Variants in ANO2 observed in about 807,000 individuals in gnomAD.
The protein encoded by ANO2 is anoctamin 2.
A neutral mutation model predicts 124.2 loss-of-function variants in ANO2; 101 were observed. That is an observed-to-expected ratio of 0.81 (90% CI 0.69 to 0.96). The LOEUF (loss-of-function observed/expected upper bound fraction) is 0.96. Ranked by LOEUF, ANO2 falls within the 40% of genes least tolerant of loss-of-function variation. The probability of loss-of-function intolerance (pLI) is 0.00; values close to 1 mark genes in which losing one functional copy is unlikely to be tolerated. For missense variants in ANO2, 1,293 were observed against 1,274.5 expected, an observed-to-expected ratio of 1.01 and a Z score of -0.22; for synonymous variants, 486 against 482.5, an observed-to-expected ratio of 1.01 and a Z score of -0.09.
At chr12:5,821,272 T>C (rs550195957) in intron 7 of ANO2, among the ~76,000 whole-genome samples, 7 of 152,336 alleles carry the variant, frequency 4.6e-5, no homozygotes, top group Non-Finnish European at 1.0e-4. Context: ...TGTCAAGATA[T>C]TCCTTCTAAG....
intron 1 of ANO2, among the ~76,000 whole-genome samples, chr12:5,927,504 T>A (rs998403283): frequency 3.3e-5 from 5 of 152,104 alleles, no homozygotes; most frequent in African/African-American, 4.8e-5. Context: ...CCTTCCGAAA[T>A]CTCCTTTCTG....
intron 3 of ANO2, among the ~76,000 whole-genome samples, chr12:5,895,101 T>C (rs1167536137): frequency 6.6e-6 from 1 of 152,250 alleles, no homozygotes; most frequent in Admixed American, 6.5e-5. Flanking sequence ...ATTTTCATGA[T>C]ATTGATTCTA....
At chr12:5,819,374 G>C (rs538411102) in intron 7 of ANO2, among the ~76,000 whole-genome samples, 1 of 152,306 alleles carries the variant, frequency 6.6e-6, no homozygotes, top group African/African-American at 2.4e-5. Context: ...GGATATTAAG[G>C]ATATGGGATA....
intron 15 of ANO2, among the ~76,000 whole-genome samples, chr12:5,643,912 T>C (rs910224902): frequency 6.6e-6 from 1 of 152,222 alleles, no homozygotes; most frequent in African/African-American, 2.4e-5. Flanking sequence ...TCTTTATATA[T>C]GTTAAGAAAA....
intron 3 of ANO2, among the ~76,000 whole-genome samples, chr12:5,906,843 A>C (rs1406416819): frequency 2.6e-5 from 4 of 151,908 alleles, no homozygotes; most frequent in African/African-American, 9.7e-5. Flanking sequence ...TAGAAATAAA[A>C]ATAAATTAGA....
intron 16 of ANO2, among the ~76,000 whole-genome samples, chr12:5,627,101 T>G (rs1053738249): frequency 6.6e-6 from 1 of 152,230 alleles, no homozygotes; most frequent in Non-Finnish European, 1.5e-5. Flanking sequence ...TAGTCTTACA[T>G]AACTGGTAGG....
At chr12:5,902,991 C>T (rs1940420815) in intron 3 of ANO2, among the ~76,000 whole-genome samples, 1 of 150,362 alleles carries the variant, frequency 6.7e-6, no homozygotes, top group Admixed American at 6.6e-5. Flanking sequence ...GCTGAGTCTT[C>T]CTAGGGACCA....
chr12:5,732,170 G>A (rs774063776), intron 14 of ANO2, among the ~76,000 whole-genome samples: 11 of 152,190 alleles, frequency 7.2e-5, no homozygotes, highest in Non-Finnish European at 1.0e-4. Context: ...GCAAGCGTTC[G>A]ATAAGGATTA....
At chr12:5,672,105 C>T (rs1276375078) in intron 14 of ANO2, among the ~76,000 whole-genome samples, 3 of 152,182 alleles carry the variant, frequency 2.0e-5, no homozygotes, top group African/African-American at 7.2e-5. Context: ...CTATCTCGGT[C>T]TGCAGGTCAA....
intron 3 of ANO2, among the ~76,000 whole-genome samples, chr12:5,889,949 G>C (rs149609161): frequency 2.3e-3 from 349 of 152,360 alleles, no homozygotes; most frequent in African/African-American, 7.7e-3. Context: ...GACAATCAGA[G>C]GCAATGTGTC....
intron 3 of ANO2, among the ~76,000 whole-genome samples, chr12:5,889,714 C>A (rs984417611): frequency 1.3e-5 from 2 of 152,240 alleles, no homozygotes; most frequent in Non-Finnish European, 2.9e-5. Context: ...CCCAGGAATG[C>A]CAAAGTAGGG....
chr12:5,818,837 A>C (rs1419699065), intron 7 of ANO2, among the ~76,000 whole-genome samples: 3 of 152,130 alleles, frequency 2.0e-5, no homozygotes, highest in African/African-American at 4.8e-5. Context: ...CAGGGAACCA[A>C]GGAACATAAT....
intron 13 of ANO2, among the ~76,000 whole-genome samples, chr12:5,734,651 C>CTT (rs1174928022): frequency 1.4e-5 from 2 of 147,328 alleles, no homozygotes; most frequent in African/African-American, 5.0e-5. Context: ...TTTTTTCTTT[C>CTT]TTTTTTTTTT....
intron 14 of ANO2, among the ~76,000 whole-genome samples, chr12:5,699,699 C>T (rs952301796): frequency 6.6e-6 from 1 of 152,152 alleles, no homozygotes. Flanking sequence ...AGACCCATCT[C>T]ACATGCAGAG....
intron 14 of ANO2, among the ~76,000 whole-genome samples, chr12:5,729,937 A>G (rs900906037): frequency 3.3e-5 from 5 of 152,256 alleles, no homozygotes; most frequent in Non-Finnish European, 5.9e-5. Flanking sequence ...TTTACGTGAA[A>G]GTCCAGAATA....
intron 17 of ANO2, among the ~76,000 whole-genome samples, chr12:5,613,722 A>G (rs1944659834): frequency 3.3e-5 from 5 of 152,004 alleles, no homozygotes; most frequent in Admixed American, 3.3e-4. Flanking sequence ...CTTTATTTAT[A>G]CCTCTTATTA....
chr12:5,570,791 T>C (rs1942063107), intron 23 of ANO2, among the ~76,000 whole-genome samples: 1 of 152,228 alleles, frequency 6.6e-6, no homozygotes, highest in Non-Finnish European at 1.5e-5. Context: ...ATTAATGTCA[T>C]GTTAATGCTG....
At chr12:5,586,850 T>C (rs1279137337) in intron 20 of ANO2, among the ~76,000 whole-genome samples, 2 of 152,194 alleles carry the variant, frequency 1.3e-5, no homozygotes, top group Non-Finnish European at 2.9e-5. Flanking sequence ...ATATATGGGG[T>C]AGTTTTCCTG....
chr12:5,779,483 T>C (rs755810669), intron 10 of ANO2, among the ~76,000 whole-genome samples: 6 of 152,216 alleles, frequency 3.9e-5, no homozygotes, highest in Non-Finnish European at 7.3e-5. Flanking sequence ...TCACAATAGA[T>C]GTAACATCCA....
Sources: allele counts gnomAD v4.1 joint callset (sites outside exome capture counted in the v4.1 genomes callset), GRCh38; gene constraint gnomAD v4.1.1; transcripts MANE v1.5; gene names NCBI Gene and HGNC (gene_info 2026-07-23, HGNC 2026-07-21).